HS6ST3: variants seen among roughly 807,000 people sequenced by gnomAD.
HS6ST3 encodes heparan-sulfate 6-O-sulfotransferase 3.
Under a neutral mutation model 36.7 loss-of-function variants are expected in HS6ST3, and 12 were observed. The observed-to-expected ratio is 0.33, with a 90% CI of 0.21 to 0.53. HS6ST3 has a LOEUF of 0.53. Ranked by LOEUF, HS6ST3 falls within the 20% of genes least tolerant of loss-of-function variation. HS6ST3 has a pLI of 0.95. For synonymous variants in HS6ST3, 240 were observed against 257.5 expected (o/e 0.93, Z 0.65); for missense variants, 584 against 640.9 (o/e 0.91, Z 0.96).
At chr13:96,708,646 T>C (rs1875486998) in intron 1 of HS6ST3, among the ~76,000 whole-genome samples, 1 of 152,060 alleles carries the variant, frequency 6.6e-6, no homozygotes, top group Non-Finnish European at 1.5e-5. Flanking sequence ...CCTAATTCAC[T>C]CCAGGGAAAT....
At chr13:96,575,811 C>G (rs2056318619) in intron 1 of HS6ST3, among the ~76,000 whole-genome samples, 1 of 152,134 alleles carries the variant, frequency 6.6e-6, no homozygotes, top group Non-Finnish European at 1.5e-5. Flanking sequence ...GTTCGTAGAA[C>G]TAGGGAACTT....
chr13:96,484,401 T>C (rs1486196107), intron 1 of HS6ST3, among the ~76,000 whole-genome samples: 1 of 152,154 alleles, frequency 6.6e-6, no homozygotes, highest in Non-Finnish European at 1.5e-5. Context: ...ATTTCAAGTA[T>C]ATAATGCAGT....
chr13:96,179,052 A>G (rs1352599407), intron 1 of HS6ST3, among the ~76,000 whole-genome samples: 4 of 152,212 alleles, frequency 2.6e-5, no homozygotes, highest in Admixed American at 2.6e-4. Flanking sequence ...CCAGGTTGGA[A>G]CAGTGAAATT....
chr13:96,239,127 T>G (rs945736735), intron 1 of HS6ST3, among the ~76,000 whole-genome samples: 3 of 152,150 alleles, frequency 2.0e-5, no homozygotes, highest in Non-Finnish European at 4.4e-5. Flanking sequence ...GCAACCTGAC[T>G]CAAAAATTGC....
intron 1 of HS6ST3, among the ~76,000 whole-genome samples, chr13:96,788,350 AATTGGTATCTTAACTAT>A (rs1205990121): frequency 1.3e-5 from 2 of 151,814 alleles, no homozygotes; most frequent in Admixed American, 6.6e-5. Flanking sequence ...CACTATATTG[AATTGGTATCTTAACTAT>A]ATTGGTATCT....
intron 1 of HS6ST3, among the ~76,000 whole-genome samples, chr13:96,786,864 C>T (rs1456858203): frequency 5.8e-5 from 3 of 51,488 alleles, no homozygotes; most frequent in South Asian, 1.9e-3. Context: ...AAATCTCCCT[C>T]ATGCTACCCT....
At chr13:96,241,429 A>G (rs116583956) in intron 1 of HS6ST3, among the ~76,000 whole-genome samples, 275 of 151,004 alleles carry the variant, frequency 1.8e-3, no homozygotes, top group African/African-American at 6.3e-3. Flanking sequence ...GAAATAATTG[A>G]AAAAAAGCAT....
chr13:96,568,742 C>T (rs1489139088), intron 1 of HS6ST3, among the ~76,000 whole-genome samples: 1 of 152,144 alleles, frequency 6.6e-6, no homozygotes, highest in Non-Finnish European at 1.5e-5. Context: ...TCTATAGTAG[C>T]TATGATCATG....
At chr13:96,260,851 G>T (rs887573548) in intron 1 of HS6ST3, among the ~76,000 whole-genome samples, 2 of 151,812 alleles carry the variant, frequency 1.3e-5, no homozygotes, top group Admixed American at 1.3e-4. Flanking sequence ...TGTTGGCCAG[G>T]CTGGTCGCGA....
chr13:96,552,820 C>T (rs1047930767), intron 1 of HS6ST3, among the ~76,000 whole-genome samples: 2 of 152,102 alleles, frequency 1.3e-5, no homozygotes, highest in African/African-American at 4.8e-5. Context: ...AAATTGAAAT[C>T]CAAAGTTCAG....
chr13:96,465,784 T>C (rs1170840131), intron 1 of HS6ST3, among the ~76,000 whole-genome samples: 1 of 152,160 alleles, frequency 6.6e-6, no homozygotes, highest in Non-Finnish European at 1.5e-5. Flanking sequence ...TATATTATGG[T>C]TAGTGTCTCA....
intron 1 of HS6ST3, among the ~76,000 whole-genome samples, chr13:96,368,071 G>C (rs1478292342): frequency 1.3e-5 from 2 of 152,130 alleles, no homozygotes; most frequent in African/African-American, 4.8e-5. Context: ...GTTCCTTATG[G>C]TTGCTTTGCC....
intron 1 of HS6ST3, among the ~76,000 whole-genome samples, chr13:96,406,973 A>G (rs2055481854): frequency 6.6e-6 from 1 of 152,206 alleles, no homozygotes; most frequent in Admixed American, 6.5e-5. Context: ...AATGTTTTTA[A>G]TGGACGTTGC....
At chr13:96,669,822 A>G (rs2056677190) in intron 1 of HS6ST3, among the ~76,000 whole-genome samples, 3 of 152,112 alleles carry the variant, frequency 2.0e-5, no homozygotes. Context: ...TAGTTGCTAT[A>G]TTGACTTAGT....
intron 1 of HS6ST3, among the ~76,000 whole-genome samples, chr13:96,119,101 T>C (rs1403148052): frequency 6.6e-6 from 1 of 152,182 alleles, no homozygotes; most frequent in Non-Finnish European, 1.5e-5. Context: ...CAAATGACTG[T>C]GTGTTTAGAA....
At chr13:96,654,155 G>T (rs945057850) in intron 1 of HS6ST3, among the ~76,000 whole-genome samples, 1 of 152,144 alleles carries the variant, frequency 6.6e-6, no homozygotes, top group Admixed American at 6.6e-5. Flanking sequence ...CCATTGTGTA[G>T]GTTGCCTGTT....
At chr13:96,634,232 T>A (rs1445447877) in intron 1 of HS6ST3, among the ~76,000 whole-genome samples, 1 of 152,206 alleles carries the variant, frequency 6.6e-6, no homozygotes, top group Non-Finnish European at 1.5e-5. Context: ...TGGATCCTAC[T>A]TGTGACAAGT....
intron 1 of HS6ST3, among the ~76,000 whole-genome samples, chr13:96,126,659 G>A (rs2053952682): frequency 6.6e-6 from 1 of 152,146 alleles, no homozygotes; most frequent in South Asian, 2.1e-4. Flanking sequence ...GGAACAGGAT[G>A]TTGGGCCAGC....
chr13:96,657,468 C>A (rs1313328007), intron 1 of HS6ST3, among the ~76,000 whole-genome samples: 1 of 152,104 alleles, frequency 6.6e-6, no homozygotes, highest in African/African-American at 2.4e-5. Context: ...ATGCAGTGAG[C>A]TGAGATCATT....
Sources: allele counts gnomAD v4.1 joint callset (sites outside exome capture counted in the v4.1 genomes callset), GRCh38; gene constraint gnomAD v4.1.1; transcripts MANE v1.5; gene names NCBI Gene and HGNC (gene_info 2026-07-23, HGNC 2026-07-21).